Variants in NBEA observed in about 807,000 individuals in gnomAD.
NBEA encodes the protein neurobeachin, also known as lysosomal-trafficking regulator 2.
NBEA carries 44 observed loss-of-function variants against 343.4 expected under a neutral mutation model. The ratio of observed to expected loss-of-function variants is 0.13; its 90% CI spans 0.10 to 0.16. The LOEUF (loss-of-function observed/expected upper bound fraction) is 0.16, where lower values mean the gene tolerates loss of function less well. Ranked by LOEUF, NBEA falls within the 10% of genes least tolerant of loss-of-function variation. The pLI is 1.00. For missense variants in NBEA, 2,555 were observed against 3,631.3 expected (o/e 0.70, Z 7.62); for synonymous variants, 1,175 against 1,238.7 (o/e 0.95, Z 1.08).
At chr13:35,248,134 T>C (rs2031474138) in intron 34 of NBEA, among the ~76,000 whole-genome samples, 1 of 152,134 alleles carries the variant, frequency 6.6e-6, no homozygotes, top group African/African-American at 2.4e-5. Context: ...TGCCCTGATA[T>C]TGAAACTAGA....
chr13:35,603,551 T>G (rs1271035119), intron 47 of NBEA, among the ~76,000 whole-genome samples: 2 of 152,198 alleles, frequency 1.3e-5, no homozygotes, highest in African/African-American at 4.8e-5. Flanking sequence ...AAAAACATTA[T>G]AGAGTGCCAA....
chr13:35,164,069 A>T (rs2069793794), intron 23 of NBEA, among the ~76,000 whole-genome samples: 1 of 152,112 alleles, frequency 6.6e-6, no homozygotes, highest in Non-Finnish European at 1.5e-5. Context: ...AAATATTTTT[A>T]GCCAAATTTG....
chr13:35,241,893 A>G (rs567058378), intron 34 of NBEA, among the ~76,000 whole-genome samples: 5 of 152,006 alleles, frequency 3.3e-5, no homozygotes, highest in South Asian at 2.1e-4. Context: ...TCAGTTCCCA[A>G]TTACTCCTTT....
At chr13:35,369,339 T>C (rs1717377885) in intron 38 of NBEA, among the ~76,000 whole-genome samples, 1 of 151,786 alleles carries the variant, frequency 6.6e-6, no homozygotes, top group South Asian at 2.1e-4. Flanking sequence ...AGCTTTGTCC[T>C]TTTTCTGTAG....
At chr13:35,288,882 C>T (rs2035613918) in intron 34 of NBEA, among the ~76,000 whole-genome samples, 1 of 151,922 alleles carries the variant, frequency 6.6e-6, no homozygotes. Context: ...ATTAATCTTT[C>T]TGACTCCCTA....
At chr13:35,209,031 T>A (rs2073589150) in intron 32 of NBEA, among the ~76,000 whole-genome samples, 177 bp downstream of exon 32, 1 of 152,186 alleles carries the variant, frequency 6.6e-6, no homozygotes. Context: ...AGAGTGCATT[T>A]TTTAGTGGTC....
chr13:35,283,397 T>G (rs902818446), intron 34 of NBEA, among the ~76,000 whole-genome samples: 2 of 152,172 alleles, frequency 1.3e-5, no homozygotes, highest in African/African-American at 4.8e-5. Context: ...TAAAAGCACT[T>G]AGTCAACCAT....
chr13:35,350,175 A>G (rs1488694105), intron 37 of NBEA, among the ~76,000 whole-genome samples: 1 of 152,170 alleles, frequency 6.6e-6, no homozygotes, highest in Non-Finnish European at 1.5e-5. Context: ...AAGAAAATCA[A>G]GATAATTTGT....
chr13:35,559,550 C>T (rs1356466209), intron 44 of NBEA, among the ~76,000 whole-genome samples: 2 of 152,110 alleles, frequency 1.3e-5, no homozygotes, highest in African/African-American at 4.8e-5. Context: ...ATGTTTTAAA[C>T]ATTTTTATTT....
At chr13:35,131,610 T>C (rs2067433521) in intron 17 of NBEA, among the ~76,000 whole-genome samples, 1 of 152,158 alleles carries the variant, frequency 6.6e-6, no homozygotes, top group Non-Finnish European at 1.5e-5. Context: ...GTTAGAAGCA[T>C]CCCCTTTGAA....
intron 21 of NBEA, among the ~76,000 whole-genome samples, chr13:35,158,017 G>T (rs1421546058): frequency 6.6e-6 from 1 of 152,260 alleles, no homozygotes; most frequent in Admixed American, 6.5e-5. Flanking sequence ...TATAGCCTCT[G>T]ATGCAGCTAC....
At chr13:35,491,268 C>G (rs2076489594) in intron 41 of NBEA, among the ~76,000 whole-genome samples, 1 of 151,786 alleles carries the variant, frequency 6.6e-6, no homozygotes, top group Non-Finnish European at 1.5e-5. Context: ...GTACTCAGTG[C>G]CTGAATGAGT....
intron 48 of NBEA, among the ~76,000 whole-genome samples, chr13:35,615,349 A>G (rs1385213747): frequency 6.6e-6 from 1 of 151,360 alleles, no homozygotes; most frequent in Non-Finnish European, 1.5e-5. Context: ...TGAGGTAAAA[A>G]TATATTTTTT....
chr13:35,207,020 A>G (rs182632542), intron 31 of NBEA, among the ~76,000 whole-genome samples: 56 of 152,190 alleles, frequency 3.7e-4, no homozygotes, highest in African/African-American at 1.3e-3. Context: ...AACATGCTTA[A>G]AGAGAAAAGA....
chr13:35,341,641 G>A (rs1310829678), intron 36 of NBEA, among the ~76,000 whole-genome samples: 2 of 152,008 alleles, frequency 1.3e-5, no homozygotes, highest in Non-Finnish European at 2.9e-5. Flanking sequence ...CACATGAAAA[G>A]ATTCTCAGAA....
At chr13:35,264,789 C>T (rs901955850) in intron 34 of NBEA, among the ~76,000 whole-genome samples, 1 of 151,842 alleles carries the variant, frequency 6.6e-6, no homozygotes, top group Non-Finnish European at 1.5e-5. Flanking sequence ...GCATCATATT[C>T]AGTGGAGACA....
intron 46 of NBEA, among the ~76,000 whole-genome samples, chr13:35,589,558 A>G (rs1450808132): frequency 2.0e-5 from 3 of 152,166 alleles, no homozygotes; most frequent in Admixed American, 1.3e-4. Flanking sequence ...AAGAGAAGGA[A>G]AAGAAGAACA....
intron 34 of NBEA, among the ~76,000 whole-genome samples, chr13:35,257,074 G>A (rs1361717903): frequency 6.6e-6 from 1 of 152,178 alleles, no homozygotes; most frequent in Non-Finnish European, 1.5e-5. Context: ...ACTCCAGATG[G>A]GCCACTGCTG....
intron 17 of NBEA, among the ~76,000 whole-genome samples, chr13:35,137,733 A>G (rs1034232813): frequency 6.6e-6 from 1 of 152,004 alleles, no homozygotes; most frequent in Non-Finnish European, 1.5e-5. Context: ...TAAGTCTTGT[A>G]CTTTCTGTTT....
Sources: gnomAD v4.1 joint callset for allele counts (sites outside exome capture counted in the v4.1 genomes callset) on GRCh38, gnomAD v4.1.1 for gene constraint, MANE v1.5 for transcripts, NCBI Gene and HGNC (gene_info 2026-07-23, HGNC 2026-07-21) for gene names.